The following UGGT2 variants were observed in gnomAD, a reference collection of about 807,000 sequenced individuals.
UGGT2 encodes the protein UDP-glucose:glycoprotein glucosyltransferase 2.
UGGT2 carries 180 observed loss-of-function variants against 192.1 expected under a neutral mutation model. The ratio of observed to expected loss-of-function variants is 0.94; its 90% CI spans 0.83 to 1.06. The LOEUF is 1.06. Among genes scored for constraint, UGGT2 ranks in the 50% least tolerant of loss-of-function variants. The pLI, the probability that UGGT2 is intolerant of heterozygous loss-of-function variation, is 0.00. For missense variants in UGGT2, 1,849 were observed against 1,795.7 expected, an observed-to-expected ratio of 1.03 and a Z score of -0.54; for synonymous variants, 580 against 591.0, an observed-to-expected ratio of 0.98 and a Z score of 0.27.
chr13:95,954,412 A>G (rs528774453), intron 12 of UGGT2, among the ~76,000 whole-genome samples: 1 of 152,316 alleles, frequency 6.6e-6, no homozygotes, highest in South Asian at 2.1e-4. Flanking sequence ...TTTGGAATTC[A>G]GACACAGCTG....
chr13:95,872,851 G>A (rs1891337681), intron 29 of UGGT2, among the ~76,000 whole-genome samples: 1 of 152,132 alleles, frequency 6.6e-6, no homozygotes, highest in South Asian at 2.1e-4. Flanking sequence ...CATAATACAT[G>A]TGCTATTGTA....
rs543749157 is a variant in UGGT2 at position 95,927,183 on chromosome 13, C to T, written c.2101+30G>A. 3.1e-6 allele frequency: 5 copies of T among 1,608,250 alleles called. No homozygotes were observed. The Admixed American group carries it at 6.8e-5, about 22-fold the overall frequency. On this transcript the variant is annotated intron_variant, in intron 18 of 38. Transcript: ENST00000376747. ...AATAAAGAATTCACAACTCAATAAA[C>T]ATTTGTAGAACAGTATAGGATTATT...
chr13:95,846,162 T>G (rs914302417), intron 36 of UGGT2, among the ~76,000 whole-genome samples: 1 of 152,152 alleles, frequency 6.6e-6, no homozygotes, highest in Non-Finnish European at 1.5e-5. Context: ...CGAGACTCCG[T>G]GTGCAATCCC....
At chr13:96,039,637 T>C (rs192855937) in intron 1 of UGGT2, among the ~76,000 whole-genome samples, 1 of 152,304 alleles carries the variant, frequency 6.6e-6, no homozygotes, top group Non-Finnish European at 1.5e-5. Flanking sequence ...TCCTTACCTG[T>C]TCCTTTTTAA....
chr13:95,928,492 A>G (rs1206278536), intron 17 of UGGT2, among the ~76,000 whole-genome samples: 1 of 151,024 alleles, frequency 6.6e-6, no homozygotes, highest in East Asian at 2.0e-4. Context: ...GCAGCCGGTC[A>G]GAGACGCTCC....
At chr13:95,872,401 T>C (rs939532874) in intron 29 of UGGT2, among the ~76,000 whole-genome samples, 2 of 152,180 alleles carry the variant, frequency 1.3e-5, no homozygotes, top group African/African-American at 4.8e-5. Flanking sequence ...TAGAAACTCA[T>C]ATCAATATTA....
At chr13:95,922,258 T>G (rs750180149) in intron 20 of UGGT2, among the ~76,000 whole-genome samples, 3 of 152,082 alleles carry the variant, frequency 2.0e-5, no homozygotes, top group Non-Finnish European at 4.4e-5. Flanking sequence ...CAATGGATAC[T>G]CAGGGACACA....
chr13:95,961,822 A>G (rs2050402464), intron 12 of UGGT2, among the ~76,000 whole-genome samples: 1 of 152,206 alleles, frequency 6.6e-6, no homozygotes, highest in Admixed American at 6.5e-5. Context: ...TCTCCAGGAT[A>G]CACCATATGT....
intron 4 of UGGT2, among the ~76,000 whole-genome samples, chr13:96,017,008 T>C (rs2052359902): frequency 6.6e-6 from 1 of 152,246 alleles, no homozygotes; most frequent in African/African-American, 2.4e-5. Flanking sequence ...CTTTAAGATT[T>C]AGTGCCTGCC....
chr13:95,905,859 TC>T (rs1212568719), intron 20 of UGGT2, among the ~76,000 whole-genome samples: 21 of 152,152 alleles, frequency 1.4e-4, no homozygotes. Context: ...TATGTTTAGC[TC>T]TATAATCCAT....
chr13:95,928,415 G>A (rs978574125), intron 17 of UGGT2, among the ~76,000 whole-genome samples: 43 of 150,870 alleles, frequency 2.9e-4, no homozygotes, highest in African/African-American at 7.3e-4. Context: ...GCTGCCGGGC[G>A]GAGGGGCTCC....
At chr13:95,823,245 C>G (rs1431415544) in intron 38 of UGGT2, among the ~76,000 whole-genome samples, 2 of 151,998 alleles carry the variant, frequency 1.3e-5, no homozygotes, top group African/African-American at 4.8e-5. Flanking sequence ...AATGTATATT[C>G]TGCAGTTGTT....
chr13:95,842,076 A>G (rs1007245683), intron 36 of UGGT2, among the ~76,000 whole-genome samples: 4 of 152,232 alleles, frequency 2.6e-5, no homozygotes, highest in African/African-American at 9.6e-5. Context: ...ACTACTGGGC[A>G]TAAAGAATTT....
chr13:95,834,464 T>C (rs1394349536), intron 37 of UGGT2, among the ~76,000 whole-genome samples: 1 of 152,134 alleles, frequency 6.6e-6, no homozygotes, highest in Non-Finnish European at 1.5e-5. Flanking sequence ...ATGCCAATAG[T>C]ACTGAGGCTG....
Position 95,947,040 on chromosome 13 carries a change from T to A in UGGT2, c.1674A>T (p.Val558=). The A allele has an allele frequency of 6.3e-7, 1 of 1,594,766 alleles. No individual in the cohort carries two copies. The change falls in exon 15 of 39, where the codon GTA becomes GTT. Residue 558 remains valine, a synonymous_variant. Coordinates refer to ENST00000376747, the MANE Select transcript of UGGT2 (RefSeq NM_020121.4). ...FDISEAFISI[V]HMYQKVKKDQ... is the part of the protein sequence containing the mutation. ...CACATTTAGTGCATAAACTCACGTG[T>A]ACTATAGAAATAAATGCTTCTGATA...
At chr13:95,812,123 T>C (rs927984596) in intron 38 of UGGT2, among the ~76,000 whole-genome samples, 17 of 152,188 alleles carry the variant, frequency 1.1e-4, no homozygotes, top group African/African-American at 4.1e-4. Context: ...ACCAAAACTA[T>C]GCAACTGCCA....
chr13:95,843,037 G>A (rs944365428), intron 36 of UGGT2, among the ~76,000 whole-genome samples: 10 of 152,302 alleles, frequency 6.6e-5, no homozygotes, highest in Admixed American at 3.3e-4. Context: ...CAGGGGGGTT[G>A]TTTCTAGATT....
At chr13:95,959,149 G>T (rs1200276722) in intron 12 of UGGT2, among the ~76,000 whole-genome samples, 1 of 152,192 alleles carries the variant, frequency 6.6e-6, no homozygotes, top group Admixed American at 6.5e-5. Context: ...CCCTGCTAGG[G>T]CCAAGGCAGA....
In UGGT2 at chr13:96,032,553, T is replaced by C. The variant is rs551101193; in HGVS notation, c.159-582A>G. Among the ~76,000 whole-genome samples, 38 of 152,238 alleles carry C rather than the reference T, an allele frequency of 2.5e-4. 1 individual carries two copies. Among genetic ancestry groups the C allele is most frequent in the African/African-American group, 8.4e-4 (35 of 41,554 alleles). ...AATTTTCATGGTATTTAAGAAAAAA[T>C]GGCCAAAGCCATTTAAAGCCTTTCA... On this transcript the variant is annotated intron_variant, in intron 1 of 38. Transcript: ENST00000376747.
Sources: allele counts gnomAD v4.1 joint callset (sites outside exome capture counted in the v4.1 genomes callset), GRCh38; gene constraint gnomAD v4.1.1; transcripts MANE v1.5; gene names NCBI Gene and HGNC (gene_info 2026-07-23, HGNC 2026-07-21).